EFCAB12: variants seen among roughly 807,000 people sequenced by gnomAD.
EFCAB12 encodes the protein EF-hand calcium-binding domain-containing protein 12.
A neutral mutation model predicts 53.6 loss-of-function variants in EFCAB12; 43 were observed. That is an observed-to-expected ratio of 0.80 (90% CI 0.63 to 1.03). EFCAB12 has a LOEUF of 1.03. EFCAB12 is among the 50% of genes least tolerant of loss of function. EFCAB12 has a pLI of 0.00. For missense variants in EFCAB12, 646 were observed against 730.6 expected, an observed-to-expected ratio of 0.88 and a Z score of 1.34; for synonymous variants, 269 against 289.2, an observed-to-expected ratio of 0.93 and a Z score of 0.71.
In EFCAB12 at chr3:129,401,512, CCTCT is replaced by C; in HGVS notation, c.*77_*80del. On this transcript the variant is annotated 3_prime_UTR_variant, in exon 9 of 9. Transcript: ENST00000505956. ...TTCTTTAGTTTGACTCTTTGACACTCCTCTTGTGTCTGGGCTCTGGGCCGCTGGC... is the reference window on the plus strand; with the variant it reads ...TTCTTTAGTTTGACTCTTTGACACTCTGTGTCTGGGCTCTGGGCCGCTGGC... 1 of 1,446,408 alleles carries C rather than the reference CCTCT, an allele frequency of 6.9e-7. No individual in the cohort carries two copies. The highest frequency in any genetic ancestry group is 9.2e-7 in the Non-Finnish European group (1 of 1,092,332). The allele number at this position is 1,446,408 out of a possible 1,614,324, so 89.6% of individuals were successfully genotyped here. A position where few individuals can be genotyped will look rare whatever the true frequency, so the allele number is the denominator to read the frequency against.
intron 2 of EFCAB12, among the ~76,000 whole-genome samples, chr3:129,421,010 G>T (rs1318184375): frequency 1.3e-5 from 2 of 152,252 alleles, no homozygotes; most frequent in Admixed American, 6.5e-5. Context: ...GGGTGAGCCA[G>T]CTTGGAAGCA....
rs1308719821 is a variant in EFCAB12 at position 129,404,254 on chromosome 3, C to T, written c.1399G>A (p.Asp467Asn). ...AAAGGGGGTCCGAAACTCAGCTTGT[C>T]AGTCCTCTTAGACTTGCCAGGGCCC... The part of the protein sequence containing the change: ...SQGPGKSKRT[D>N]KKTPKKSKKM... Residue 467 changes from aspartate (D) to asparagine (N), a missense_variant, in exon 7 of 9, where the codon GAC becomes AAC. By Grantham distance (23) the Asp-to-Asn change is conservative. Coordinates refer to ENST00000505956, the MANE Select transcript of EFCAB12 (RefSeq NM_207307.3). 3.7e-6 allele frequency: 6 copies of T among 1,612,216 alleles called. No individual in the cohort carries two copies. In the Admixed American group the frequency reaches 8.4e-5, roughly 22 times the overall value.
In EFCAB12 at chr3:129,428,433, G is replaced by T. The variant is rs2072296938; in HGVS notation, c.49+7C>A. On this transcript the variant is annotated splice_region_variant and intron_variant, in intron 1 of 8. Coordinates refer to ENST00000505956, the MANE Select transcript of EFCAB12 (RefSeq NM_207307.3). ...GCTCCCTGCAGACGCTTCTTCCCGG[G>T]GCTTACCGAGCAGCGACAAGAACAG... 1 of 1,605,772 alleles carries T rather than the reference G, an allele frequency of 6.2e-7. No individual in the cohort carries two copies. Among genetic ancestry groups the T allele is most frequent in the Admixed American group, 1.7e-5 (1 of 58,820 alleles).
chr3:129,401,570 G>T lies in EFCAB12; in HGVS notation c.*23C>A. 6.7e-7 allele frequency: 1 copy of T among 1,498,708 alleles called. No individual in the cohort carries two copies. Among genetic ancestry groups the T allele is most frequent in the Non-Finnish European group, 9.0e-7 (1 of 1,115,252 alleles). 92.8% of individuals were successfully genotyped at this position (1,498,708 alleles called of 1,614,324 possible). ...ACTGGCCCCTGGCCCAGGAAGGCTG[G>T]GTCCGGCAACACCTGGCTAGCTCTA... On this transcript the variant is annotated 3_prime_UTR_variant, in exon 9 of 9. Coordinates refer to ENST00000505956, the MANE Select transcript of EFCAB12 (RefSeq NM_207307.3).
intron 6 of EFCAB12, 71 bp downstream of exon 6, chr3:129,408,574 G>A: frequency 6.7e-7 from 1 of 1,491,828 alleles, no homozygotes; most frequent in African/African-American, 1.4e-5. Context: ...GGTGCCCTGG[G>A]TGGCATCACC....
intron 1 of EFCAB12, 34 bp downstream of exon 1, chr3:129,428,406 G>T (rs1244641388): frequency 6.3e-7 from 1 of 1,588,536 alleles, no homozygotes; most frequent in Admixed American, 1.8e-5. Flanking sequence ...AGGGCGCTGA[G>T]CGCTCCCTGC....
At chr3:129,421,220 A>G in intron 2 of EFCAB12, 147 bp downstream of exon 2, 3 of 862,420 alleles carry the variant, frequency 3.5e-6, no homozygotes, top group Non-Finnish European at 5.2e-6. Context: ...AGATAACTAG[A>G]CAACTAATAC....
intron 4 of EFCAB12, chr3:129,413,389 G>C (rs747136968): frequency 3.3e-5 from 5 of 152,306 alleles, no homozygotes; most frequent in African/African-American, 7.2e-5. Flanking sequence ...TCGGGGGAAA[G>C]TCTCTTGGGT....
chr3:129,421,775 A>T lies in EFCAB12; in HGVS notation c.78T>A (p.Asn26Lys). Residue 26 changes from asparagine to lysine, a missense_variant, in exon 2 of 9, where the codon AAT (asparagine) becomes AAA (lysine). By Grantham distance (94) the Asn-to-Lys change is moderately conservative. Coordinates refer to ENST00000505956, the MANE Select transcript of EFCAB12 (RefSeq NM_207307.3). ...LGLCPSKTPINENAPVFDPEP... is the reference protein window; with the variant it reads ...LGLCPSKTPIKENAPVFDPEP... Reference sequence around the variant, plus strand: ...CAGGATCAAAGACGGGAGCATTTTCATTGATGGGAGTCTTAGACGGGCAGA... The same window carrying T: ...CAGGATCAAAGACGGGAGCATTTTCTTTGATGGGAGTCTTAGACGGGCAGA... 1 of 1,613,286 alleles carries T rather than the reference A, an allele frequency of 6.2e-7. No homozygotes were observed. The highest frequency in any genetic ancestry group is 1.1e-5 in the South Asian group (1 of 91,034).
At position 129,401,789 on chromosome 3, in the gene EFCAB12, C is replaced by T. The variant is rs746423763; in HGVS notation, c.1523G>A (p.Gly508Asp). Residue 508 changes from glycine (G) to aspartate (D), a missense_variant, in exon 9 of 9, where the codon GGT becomes GAT. Gly to Asp is a moderately conservative substitution (Grantham distance 94). Coordinates refer to ENST00000505956, the MANE Select transcript of EFCAB12 (RefSeq NM_207307.3). ...GAGCTGCAGCTTATCCAGAAGATGA[C>T]CCGGCCAGAAGGAATTGGGGTGTGT... ...QQTHPNSFWP[G>D]HLLDKLQLYL... 1 of 1,612,608 alleles carries T rather than the reference C, an allele frequency of 6.2e-7. No homozygotes were observed. The highest frequency in any genetic ancestry group is 1.1e-5 in the South Asian group (1 of 90,690).
chr3:129,419,092 G>T (rs745750718), intron 2 of EFCAB12, among the ~76,000 whole-genome samples: 12 of 152,146 alleles, frequency 7.9e-5, no homozygotes, highest in Non-Finnish European at 1.6e-4. Context: ...CTATGTGTCT[G>T]CCTCTCCCAC....
chr3:129,403,994 T>G, intron 7 of EFCAB12: 1 of 367,854 alleles, frequency 2.7e-6, no homozygotes, highest in East Asian at 4.3e-5. Flanking sequence ...AGAAACCTTA[T>G]GATTGTGCAG....
In EFCAB12 at chr3:129,401,549, G is replaced by GC. The variant is rs1293499394; in HGVS notation, c.*43dup. On this transcript the variant is annotated 3_prime_UTR_variant, in exon 9 of 9. Coordinates refer to ENST00000505956, the MANE Select transcript of EFCAB12 (RefSeq NM_207307.3). ...GGGCTCTGGGCCGCTGGCTGCACTG[G>GC]CCCCTGGCCCAGGAAGGCTGGGTCC... The GC allele has an allele frequency of 6.8e-7, 1 of 1,478,274 alleles. No homozygotes were observed. The highest frequency in any genetic ancestry group is 9.0e-7 in the Non-Finnish European group (1 of 1,107,278). 91.6% of individuals were successfully genotyped at this position (1,478,274 alleles called of 1,614,324 possible).
intron 1 of EFCAB12, 134 bp downstream of exon 1, chr3:129,428,306 C>G: frequency 8.1e-7 from 1 of 1,234,310 alleles, no homozygotes; most frequent in South Asian, 1.3e-5. Context: ...CATGACCTGC[C>G]CCCGACTCCA....
chr3:129,412,588 C>T (rs907673686), intron 4 of EFCAB12: 1 of 152,540 alleles, frequency 6.6e-6, no homozygotes, highest in Non-Finnish European at 1.5e-5. Context: ...ACCATCTGGC[C>T]TCAGCTGCCT....
chr3:129,416,165 A>T (rs12635095), intron 3 of EFCAB12, among the ~76,000 whole-genome samples: 9,736 of 152,084 alleles, frequency 0.064, 945 homozygotes, highest in East Asian at 0.44. Flanking sequence ...ACGTTTGTAA[A>T]CCCAGCACTT....
intron 6 of EFCAB12, among the ~76,000 whole-genome samples, chr3:129,405,455 G>A (rs945623653): frequency 3.3e-5 from 5 of 152,262 alleles, no homozygotes; most frequent in East Asian, 3.9e-4. Context: ...TTAACAATGA[G>A]TTATATAAAT....
intron 5 of EFCAB12, among the ~76,000 whole-genome samples, chr3:129,410,691 C>T (rs1195095411): frequency 2.0e-5 from 3 of 152,072 alleles, no homozygotes; most frequent in Non-Finnish European, 2.9e-5. Flanking sequence ...TGTCAGCTTC[C>T]TAGGGGCAGG....
At chr3:129,408,885 C>G (rs532857142) in intron 5 of EFCAB12, 27 bp from the exon 6 acceptor site, 1 of 1,551,576 alleles carries the variant, frequency 6.4e-7, no homozygotes, top group Admixed American at 2.0e-5. Context: ...AAGGGGCTCG[C>G]CCTTCTCTCG....
Sources: gnomAD v4.1 joint callset for allele counts (sites outside exome capture counted in the v4.1 genomes callset) on GRCh38, gnomAD v4.1.1 for gene constraint, MANE v1.5 for transcripts, NCBI Gene and HGNC (gene_info 2026-07-23, HGNC 2026-07-21) for gene names.